Variants in GALNTL6 observed in about 807,000 individuals in gnomAD.
The protein encoded by GALNTL6 is polypeptide N-acetylgalactosaminyltransferase-like 6.
A neutral mutation model predicts 73.7 loss-of-function variants in GALNTL6; 46 were observed. The observed-to-expected ratio is 0.62, with a 90% CI of 0.49 to 0.80. The LOEUF (loss-of-function observed/expected upper bound fraction) is 0.80, where lower values mean the gene tolerates loss of function less well. Ranked by LOEUF, GALNTL6 falls within the 30% of genes least tolerant of loss-of-function variation. The pLI, the probability that GALNTL6 is intolerant of heterozygous loss-of-function variation, is 0.00. For missense variants in GALNTL6, 604 were observed against 755.0 expected (o/e 0.80, Z 2.34); for synonymous variants, 259 against 263.7 (o/e 0.98, Z 0.17).
In GALNTL6 at chr4:172,330,182, G is replaced by A. The variant is rs144995317; in HGVS notation, c.387-18341G>A. Among the ~76,000 whole-genome samples the A allele has an allele frequency of 8.1e-4, 123 of 152,302 alleles. 2 individuals are homozygous for A. The South Asian group carries it at 0.016, about 19-fold the overall frequency. The stretch of plus-strand genomic sequence containing the variant: ...CTCCTGTTTTGCTGGAGTTGCAACC[G>A]CTTTTGCTGAGAAGCCCAGAGCTGG... On this transcript the variant is annotated intron_variant, in intron 4 of 12. Coordinates refer to ENST00000506823, the MANE Select transcript of GALNTL6 (RefSeq NM_001034845.3).
intron 5 of GALNTL6, among the ~76,000 whole-genome samples, chr4:172,739,434 G>A (rs1213423570): frequency 6.6e-6 from 1 of 152,110 alleles, no homozygotes; most frequent in Non-Finnish European, 1.5e-5. Flanking sequence ...AGCTGATACC[G>A]AGTAGTAATT....
At chr4:171,938,054 T>C (rs1661097856) in intron 2 of GALNTL6, among the ~76,000 whole-genome samples, 1 of 152,118 alleles carries the variant, frequency 6.6e-6, no homozygotes, top group South Asian at 2.1e-4. Context: ...ACTTTTTACC[T>C]GTAGGCTTCA....
intron 9 of GALNTL6, among the ~76,000 whole-genome samples, chr4:172,947,239 C>G (rs1206406403): frequency 6.6e-6 from 1 of 151,800 alleles, no homozygotes; most frequent in Non-Finnish European, 1.5e-5. Context: ...AGGGAAAATA[C>G]CTGTGCACCC....
At chr4:172,124,567 A>G (rs1295741932) in intron 2 of GALNTL6, among the ~76,000 whole-genome samples, 2 of 151,886 alleles carry the variant, frequency 1.3e-5, no homozygotes, top group Admixed American at 6.6e-5. Context: ...AACTTTTTCA[A>G]AGTTCAGCTT....
At chr4:172,548,325 G>A (rs1286450698) in intron 5 of GALNTL6, among the ~76,000 whole-genome samples, 1 of 152,188 alleles carries the variant, frequency 6.6e-6, no homozygotes, top group East Asian at 1.9e-4. Flanking sequence ...ATATGTGGCT[G>A]TTGAAGGAAG....
chr4:172,119,966 T>C (rs1198335994), intron 2 of GALNTL6, among the ~76,000 whole-genome samples: 1 of 152,184 alleles, frequency 6.6e-6, no homozygotes. Context: ...CAAGAGTTTC[T>C]TCCCTACCTG....
chr4:172,782,866 A>G (rs909424159), intron 5 of GALNTL6, among the ~76,000 whole-genome samples: 2 of 152,058 alleles, frequency 1.3e-5, no homozygotes, highest in East Asian at 3.9e-4. Flanking sequence ...TACCATTACT[A>G]TGATTTCAGA....
In GALNTL6 at chr4:171,988,185, A is replaced by C. The variant is rs142768305; in HGVS notation, c.138+173467A>C. The stretch of plus-strand genomic sequence containing the variant: ...TTTGGACAGAAAGGCTACAGGGTGC[A>C]GTCCTGGCTCTTGTGTAAGAATTCT... On this transcript the variant is annotated intron_variant, in intron 2 of 12. Coordinates refer to ENST00000506823, the MANE Select transcript of GALNTL6 (RefSeq NM_001034845.3). 5.9e-3 allele frequency among the ~76,000 whole-genome samples: 901 copies of C among 152,322 alleles called. 8 individuals carry two copies. Among genetic ancestry groups the C allele is most frequent in the African/African-American group, 0.02 (844 of 41,568 alleles).
chr4:172,107,008 G>A (rs1006294470), intron 2 of GALNTL6, among the ~76,000 whole-genome samples: 21 of 152,262 alleles, frequency 1.4e-4, no homozygotes, highest in Middle Eastern at 3.4e-3. Context: ...CTAGTAGCTG[G>A]GATTACAGGC....
intron 2 of GALNTL6, among the ~76,000 whole-genome samples, chr4:171,947,213 G>T (rs1738727730): frequency 6.6e-6 from 1 of 151,640 alleles, no homozygotes; most frequent in Non-Finnish European, 1.5e-5. Context: ...CACCTCTTTT[G>T]CTTTCTCCCA....
At chr4:172,274,648 C>T (rs1443741065) in intron 3 of GALNTL6, among the ~76,000 whole-genome samples, 1 of 152,090 alleles carries the variant, frequency 6.6e-6, no homozygotes, top group Non-Finnish European at 1.5e-5. Flanking sequence ...GCCGAGATGG[C>T]CTTGCTTGGA....
chr4:172,327,489 T>C (rs1411963382), intron 4 of GALNTL6, among the ~76,000 whole-genome samples: 1 of 152,118 alleles, frequency 6.6e-6, no homozygotes, highest in Non-Finnish European at 1.5e-5. Flanking sequence ...ATTGTCAGTG[T>C]GGTGTTGAAG....
chr4:172,548,374 G>A (rs2110893023), intron 5 of GALNTL6, among the ~76,000 whole-genome samples: 1 of 152,278 alleles, frequency 6.6e-6, no homozygotes, highest in African/African-American at 2.4e-5. Flanking sequence ...GCTATTAGGG[G>A]ACAAGTCACT....
chr4:172,004,406 T>C (rs1271796133), intron 2 of GALNTL6, among the ~76,000 whole-genome samples: 1 of 152,066 alleles, frequency 6.6e-6, no homozygotes, highest in Admixed American at 6.6e-5. Context: ...ATCTATTAGT[T>C]AATGGTGGTT....
intron 2 of GALNTL6, among the ~76,000 whole-genome samples, chr4:172,050,443 AAG>A (rs2110857037): frequency 6.6e-6 from 1 of 152,318 alleles, no homozygotes; most frequent in Non-Finnish European, 1.5e-5. Flanking sequence ...TTGGTTAAAA[AAG>A]AGAAGCTTTG....
intron 2 of GALNTL6, among the ~76,000 whole-genome samples, chr4:171,846,713 T>TA (rs1735380227): frequency 6.7e-6 from 1 of 150,142 alleles, no homozygotes; most frequent in Admixed American, 6.7e-5. Flanking sequence ...CATATATAGA[T>TA]TTTTATATAT....
At chr4:171,935,920 C>T (rs747742859) in intron 2 of GALNTL6, among the ~76,000 whole-genome samples, 2 of 152,076 alleles carry the variant, frequency 1.3e-5, no homozygotes, top group African/African-American at 2.4e-5. Context: ...AATTTGGTAG[C>T]CTTCATGCCA....
At chr4:172,117,342 A>G (rs1183381680) in intron 2 of GALNTL6, among the ~76,000 whole-genome samples, 1 of 152,192 alleles carries the variant, frequency 6.6e-6, no homozygotes, top group African/African-American at 2.4e-5. Flanking sequence ...TGTTTTCATT[A>G]TATTTTCCTA....
intron 5 of GALNTL6, among the ~76,000 whole-genome samples, chr4:172,430,367 A>G (rs1435100112): frequency 6.6e-6 from 1 of 152,094 alleles, no homozygotes; most frequent in African/African-American, 2.4e-5. Context: ...TCACCTAGCA[A>G]ATAATGATCT....
Sources: gnomAD v4.1 joint callset for allele counts (sites outside exome capture counted in the v4.1 genomes callset) on GRCh38, gnomAD v4.1.1 for gene constraint, MANE v1.5 for transcripts, NCBI Gene and HGNC (gene_info 2026-07-23, HGNC 2026-07-21) for gene names.